The following CEP170 variants were observed in gnomAD, a reference collection of about 807,000 sequenced individuals.
CEP170 encodes the protein centrosomal protein 170, also known as centrosomal protein of 170 kDa.
In CEP170, 21 loss-of-function variants were observed where a neutral mutation model predicts 151.9. The observed-to-expected ratio is 0.14, with a 90% CI of 0.10 to 0.20. The LOEUF is 0.20. CEP170 is among the 10% of genes least tolerant of loss of function. CEP170 has a pLI of 1.00. For synonymous variants in CEP170, 356 were observed against 648.8 expected (o/e 0.55, Z 6.86); for missense variants, 964 against 1,892.9 (o/e 0.51, Z 9.11).
chr1:243,145,525 G>C (rs1348623306), intron 14 of CEP170, among the ~76,000 whole-genome samples: 1 of 152,198 alleles, frequency 6.6e-6, no homozygotes, highest in Non-Finnish European at 1.5e-5. Context: ...CGCCCGCCTT[G>C]GTCTCCCAAA....
intron 10 of CEP170, among the ~76,000 whole-genome samples, chr1:243,181,901 C>T (rs1250168463): frequency 1.3e-5 from 2 of 152,124 alleles, no homozygotes; most frequent in East Asian, 3.8e-4. Flanking sequence ...TATTTGCTCT[C>T]ACCCTATACA....
chr1:243,177,714 A>C (rs2059345585), intron 10 of CEP170, among the ~76,000 whole-genome samples: 1 of 152,226 alleles, frequency 6.6e-6, no homozygotes, highest in Non-Finnish European at 1.5e-5. Flanking sequence ...GTCTATGAAA[A>C]TCTAATTTTA....
intron 7 of CEP170, among the ~76,000 whole-genome samples, chr1:243,197,965 G>A (rs1024936332): frequency 2.0e-5 from 3 of 152,096 alleles, no homozygotes; most frequent in Admixed American, 1.3e-4. Flanking sequence ...GATAACGCTC[G>A]CTTTTCTAGA....
intron 14 of CEP170, among the ~76,000 whole-genome samples, chr1:243,151,934 A>G (rs2057120975): frequency 6.6e-6 from 1 of 152,088 alleles, no homozygotes; most frequent in Non-Finnish European, 1.5e-5. Flanking sequence ...TTCCATTCCA[A>G]AAGTCATAGG....
At chr1:243,131,480 C>CAAAAACA (rs1023320895) in intron 17 of CEP170, among the ~76,000 whole-genome samples, 2 of 150,396 alleles carry the variant, frequency 1.3e-5, no homozygotes, top group African/African-American at 2.4e-5. Context: ...CAGCCCATCT[C>CAAAAACA]AAAAACAAAA....
At chr1:243,225,984 T>TATATATATACACGTATATATATCTAG (rs1447447262) in intron 1 of CEP170, among the ~76,000 whole-genome samples, 26 of 146,542 alleles carry the variant, frequency 1.8e-4, no homozygotes, top group South Asian at 4.2e-4. Context: ...TCTATCTATC[T>TATATATATACACGTATATATATCTAG]ATATATATAC....
rs12067429 is a variant in CEP170 at position 243,205,407 on chromosome 1, G to A, written c.275-4572C>T. 3.3e-3 allele frequency among the ~76,000 whole-genome samples: 508 copies of A among 152,068 alleles called. 4 individuals carry two copies. The highest frequency in any genetic ancestry group is 4.4e-3 in the Non-Finnish European group (296 of 67,978). On this transcript the variant is annotated intron_variant, in intron 4 of 19. Coordinates refer to ENST00000366542, the MANE Select transcript of CEP170 (RefSeq NM_014812.3). ...ATCTTTCAGGTTTTTCAGGCCACGT[G>A]ATCTCTGCTTCAGCTACTCAACTCT...
At chr1:243,186,977 T>C (rs1358087644) in intron 8 of CEP170, among the ~76,000 whole-genome samples, 1 of 152,234 alleles carries the variant, frequency 6.6e-6, no homozygotes, top group Non-Finnish European at 1.5e-5. Context: ...AAATTTGTAG[T>C]CCCCATTAAT....
intron 14 of CEP170, among the ~76,000 whole-genome samples, chr1:243,148,237 G>A (rs1409504705): frequency 6.6e-6 from 1 of 151,742 alleles, no homozygotes; most frequent in African/African-American, 2.4e-5. Context: ...AGACAAATTT[G>A]GGAAGACTCT....
intron 14 of CEP170, among the ~76,000 whole-genome samples, chr1:243,150,623 T>C (rs954081600): frequency 1.3e-5 from 2 of 152,184 alleles, no homozygotes; most frequent in Admixed American, 6.5e-5. Context: ...TTATAAACTG[T>C]AGAATGTAAT....
intron 10 of CEP170, among the ~76,000 whole-genome samples, chr1:243,180,577 C>T (rs1177329521): frequency 6.6e-6 from 1 of 152,226 alleles, no homozygotes; most frequent in Non-Finnish European, 1.5e-5. Context: ...TTCCCATGCA[C>T]ATCTAATTCT....
At chr1:243,233,761 T>C (rs1268068330) in intron 1 of CEP170, among the ~76,000 whole-genome samples, 3 of 144,926 alleles carry the variant, frequency 2.1e-5, no homozygotes, top group Non-Finnish European at 4.5e-5. Context: ...TATATATATA[T>C]ATATATTTTA....
At chr1:243,146,988 C>CCTAACCAGTAAAG (rs1293577495) in intron 14 of CEP170, among the ~76,000 whole-genome samples, 5 of 151,352 alleles carry the variant, frequency 3.3e-5, no homozygotes, top group African/African-American at 4.9e-5. Flanking sequence ...GTGAATCCCC[C>CCTAACCAGTAAAG]ATCTAGAGGC....
At chr1:243,217,586 A>G (rs886197835) in intron 3 of CEP170, among the ~76,000 whole-genome samples, 1 of 152,242 alleles carries the variant, frequency 6.6e-6, no homozygotes, top group Non-Finnish European at 1.5e-5. Context: ...GGCTTAGGAA[A>G]TATGAGCCAG....
intron 10 of CEP170, among the ~76,000 whole-genome samples, chr1:243,177,663 T>C (rs1270116465): frequency 6.6e-6 from 1 of 152,232 alleles, no homozygotes; most frequent in African/African-American, 2.4e-5. Context: ...GTCAAGGAAC[T>C]AAATCAGGAT....
chr1:243,177,246 A>C (rs1277488210), intron 10 of CEP170, among the ~76,000 whole-genome samples: 1 of 152,226 alleles, frequency 6.6e-6, no homozygotes, highest in African/African-American at 2.4e-5. Flanking sequence ...TGTAGGCATA[A>C]AACTATAGTA....
intron 5 of CEP170, 38 bp from the exon 6 acceptor site, chr1:243,200,718 A>C: frequency 1.9e-6 from 3 of 1,602,890 alleles, no homozygotes; most frequent in Non-Finnish European, 2.6e-6. Flanking sequence ...AACATCAAGA[A>C]GTAAAATCAA....
In CEP170 at chr1:243,191,933, C is replaced by A. The variant is rs369120170; in HGVS notation, c.632-439G>T. Among the ~76,000 whole-genome samples the A allele has an allele frequency of 5.7e-4, 87 of 152,238 alleles. 2 individuals carry two copies. In the South Asian group the frequency reaches 0.011, roughly 20 times the overall value. On this transcript the variant is annotated intron_variant, in intron 7 of 19. Coordinates refer to ENST00000366542, the MANE Select transcript of CEP170 (RefSeq NM_014812.3). ...ATGAGATATCTGAAATATATATGAA[C>A]ACATGTAGTGCTCCAAAGGAGAATA...
At chr1:243,152,518 G>GC (rs2057193419) in intron 14 of CEP170, among the ~76,000 whole-genome samples, 2 of 81,270 alleles carry the variant, frequency 2.5e-5, no homozygotes, top group Non-Finnish European at 4.8e-5. Flanking sequence ...ACCGCGCCCA[G>GC]CCATTTTTTT....
Sources: gnomAD v4.1 joint callset for allele counts (sites outside exome capture counted in the v4.1 genomes callset) on GRCh38, gnomAD v4.1.1 for gene constraint, MANE v1.5 for transcripts, NCBI Gene and HGNC (gene_info 2026-07-23, HGNC 2026-07-21) for gene names.